Variants in VWA3B observed in about 807,000 individuals in gnomAD.
VWA3B encodes the protein von Willebrand factor A domain containing 3B, also known as von Willebrand factor A domain-containing protein 3B.
Under a neutral mutation model 158.3 loss-of-function variants are expected in VWA3B, and 138 were observed. That is an observed-to-expected ratio of 0.87 (90% CI 0.76 to 1.00). The LOEUF (loss-of-function observed/expected upper bound fraction) is 1.00. Among genes scored for constraint, VWA3B ranks in the 50% least tolerant of loss-of-function variants. VWA3B has a pLI of 0.00. For synonymous variants in VWA3B, 596 were observed against 587.3 expected (o/e 1.01, Z -0.21); for missense variants, 1,555 against 1,565.1 (o/e 0.99, Z 0.11).
At chr2:98,189,646 T>G (rs1681411095) in intron 10 of VWA3B, among the ~76,000 whole-genome samples, 1 of 152,216 alleles carries the variant, frequency 6.6e-6, no homozygotes, top group South Asian at 2.1e-4. Flanking sequence ...CTCTAGTTGT[T>G]CTATAAATTA....
At chr2:98,268,617 A>C (rs62157892) in intron 21 of VWA3B, among the ~76,000 whole-genome samples, 20,311 of 149,038 alleles carry the variant, frequency 0.14, 2,071 homozygotes, top group Non-Finnish European at 0.2. Flanking sequence ...CTTTTAGCTC[A>C]TTGAGCATCA....
chr2:98,168,247 G>T (rs1339036751), intron 8 of VWA3B, among the ~76,000 whole-genome samples: 4 of 152,030 alleles, frequency 2.6e-5, no homozygotes, highest in Non-Finnish European at 5.9e-5. Context: ...ATTTAAGTTT[G>T]GTGTAGTTAG....
At chr2:98,123,511 A>G (rs990879135) in intron 5 of VWA3B, among the ~76,000 whole-genome samples, 19 of 152,238 alleles carry the variant, frequency 1.2e-4, no homozygotes, top group African/African-American at 4.6e-4. Flanking sequence ...ACAGGAAGCA[A>G]CGAGAGAGAG....
At chr2:98,237,914 C>G (rs147177370) in intron 19 of VWA3B, among the ~76,000 whole-genome samples, 324 of 152,148 alleles carry the variant, frequency 2.1e-3, no homozygotes, top group African/African-American at 7.3e-3. Flanking sequence ...ATAGACCACA[C>G]GTTGATCATT....
chr2:98,199,538 C>G (rs544583020), intron 12 of VWA3B, among the ~76,000 whole-genome samples: 1 of 152,262 alleles, frequency 6.6e-6, no homozygotes, highest in Admixed American at 6.5e-5. Flanking sequence ...ACAATGAGGA[C>G]CAGGCGACTC....
intron 5 of VWA3B, 97 bp from the exon 6 acceptor site, chr2:98,128,142 T>C: frequency 1.4e-6 from 2 of 1,444,668 alleles, no homozygotes; most frequent in Non-Finnish European, 1.9e-6. Context: ...GCCCATTTTT[T>C]CTAAGAGATC....
intron 19 of VWA3B, among the ~76,000 whole-genome samples, chr2:98,240,155 T>C: frequency 6.6e-6 from 1 of 152,172 alleles, no homozygotes; most frequent in East Asian, 1.9e-4. Flanking sequence ...CAATCCTTTT[T>C]CTACATATGC....
At chr2:98,148,158 A>G (rs914818333) in intron 7 of VWA3B, among the ~76,000 whole-genome samples, 1 of 152,190 alleles carries the variant, frequency 6.6e-6, no homozygotes, top group Admixed American at 6.5e-5. Flanking sequence ...CTGAATCAAA[A>G]TGTTTGAACA....
chr2:98,271,071 T>C (rs1359008211), intron 22 of VWA3B, among the ~76,000 whole-genome samples, 188 bp downstream of exon 22: 1 of 151,836 alleles, frequency 6.6e-6, no homozygotes, highest in Admixed American at 6.6e-5. Flanking sequence ...GATTGTACTA[T>C]GGACTTATTT....
intron 20 of VWA3B, among the ~76,000 whole-genome samples, chr2:98,254,339 C>T (rs1016471137): frequency 1.3e-5 from 2 of 152,158 alleles, no homozygotes; most frequent in Non-Finnish European, 2.9e-5. Flanking sequence ...CTCCACACTA[C>T]ACTGCCTCCA....
chr2:98,253,414 G>A (rs546123282), intron 20 of VWA3B, among the ~76,000 whole-genome samples: 201 of 152,232 alleles, frequency 1.3e-3, no homozygotes, highest in Non-Finnish European at 2.5e-3. Flanking sequence ...CCCATGCATG[G>A]GAGTCCTTTT....
At chr2:98,229,980 T>C in intron 15 of VWA3B, 70 bp from the exon 16 acceptor site, 1 of 1,488,794 alleles carries the variant, frequency 6.7e-7, no homozygotes, top group Non-Finnish European at 8.9e-7. Flanking sequence ...TTGACTTAAC[T>C]CTGCCTTCTT....
At chr2:98,166,102 C>T (rs908511365) in intron 8 of VWA3B, among the ~76,000 whole-genome samples, 3 of 152,056 alleles carry the variant, frequency 2.0e-5, no homozygotes, top group African/African-American at 7.2e-5. Flanking sequence ...TTTGGGAGGC[C>T]AAGGAGGGTG....
intron 8 of VWA3B, among the ~76,000 whole-genome samples, chr2:98,175,183 GA>G (rs766412285): frequency 1.4e-4 from 21 of 152,316 alleles, no homozygotes; most frequent in Non-Finnish European, 2.4e-4. Context: ...AACTGTCCAT[GA>G]GGGAATTGTC....
At chr2:98,319,334 T>C in the VWA3B span, among the ~76,000 whole-genome samples, 1 of 151,526 alleles carries the variant, frequency 6.6e-6, no homozygotes, top group African/African-American at 2.4e-5. Flanking sequence ...TTTAAAAATA[T>C]ATTTCCAAAG....
intron 26 of VWA3B, among the ~76,000 whole-genome samples, chr2:98,306,749 C>T (rs1282007622): frequency 1.3e-5 from 2 of 152,100 alleles, no homozygotes; most frequent in African/African-American, 4.8e-5. Context: ...CTTTGTTTTC[C>T]ATCTTCCCCA....
At chr2:98,217,757 T>C (rs1684148704) in intron 13 of VWA3B, 89 bp from the exon 14 acceptor site, 1 of 1,217,698 alleles carries the variant, frequency 8.2e-7, no homozygotes, top group Admixed American at 2.8e-5. Context: ...TATTTGAGTA[T>C]CTGTAGTAAA....
rs1370543551 is a variant in VWA3B at position 98,129,224 on chromosome 2, A to AGAGTGTGTGTGT, written c.872+817_872+818insAGTGTGTGTGTG. Among the ~76,000 whole-genome samples the AGAGTGTGTGTGT allele has an allele frequency of 6.2e-4, 77 of 124,654 alleles. 1 individual carries two copies. The East Asian group carries it at 8.5e-3, about 14-fold the overall frequency. The allele number at this position is 124,654 out of a possible 152,430, so 81.8% of individuals were successfully genotyped here. A position where few individuals can be genotyped will look rare whatever the true frequency, so the allele number is the denominator to read the frequency against. On this transcript the variant is annotated intron_variant, in intron 6 of 27. Transcript: ENST00000477737. ...AGAGAGAGGAGAGAGAGAGAGAGAG[A>AGAGTGTGTGTGT]GTGTGTGTGTGTGTGTGTGTGTGTG...
rs1683099512 is a variant in VWA3B at position 98,207,218 on chromosome 2, G to A, written c.1738-4712G>A. ...TACCAAGAGGAGATCTATCACCTCT[G>A]TACAGGCTATGTACCTGCTGATGAC... On this transcript the variant is annotated intron_variant, in intron 12 of 27. Transcript: ENST00000477737. 34 of 544,058 alleles carry A rather than the reference G, an allele frequency of 6.2e-5. 2 individuals carry two copies. Among genetic ancestry groups the A allele is most frequent in the South Asian group, 4.9e-4 (34 of 69,666 alleles). 33.7% of individuals were successfully genotyped at this position (544,058 alleles called of 1,614,324 possible). A position where few individuals can be genotyped will look rare whatever the true frequency, so the allele number is the denominator to read the frequency against.
Sources: gnomAD v4.1 joint callset for allele counts (sites outside exome capture counted in the v4.1 genomes callset) on GRCh38, gnomAD v4.1.1 for gene constraint, MANE v1.5 for transcripts, NCBI Gene and HGNC (gene_info 2026-07-23, HGNC 2026-07-21) for gene names.